RANBP2: variants seen among roughly 807,000 people sequenced by gnomAD.
RANBP2 encodes the protein E3 SUMO-protein ligase RanBP2.
Under a neutral mutation model 303.6 loss-of-function variants are expected in RANBP2, and 57 were observed. The observed-to-expected ratio is 0.19, with a 90% confidence interval of 0.15 to 0.23. The LOEUF is 0.23. Ranked by LOEUF, RANBP2 falls within the 10% of genes least tolerant of loss-of-function variation. The pLI, the probability that RANBP2 is intolerant of heterozygous loss-of-function variation, is 1.00. For missense variants in RANBP2, 3,138 were observed against 3,780.8 expected (o/e 0.83, Z 4.46); for synonymous variants, 1,167 against 1,301.5 (o/e 0.90, Z 2.23).
chr2:109,199,612 T>TCGTTCCGA, the RANBP2 span, among the ~76,000 whole-genome samples: 1 of 336 alleles, frequency 3.0e-3, no homozygotes, highest in African/African-American at 8.8e-3. Flanking sequence ...TGGAATGGAA[T>TCGTTCCGA]GGAATGGAAT....
the RANBP2 span, among the ~76,000 whole-genome samples, chr2:108,962,809 T>C: frequency 3.9e-5 from 6 of 151,984 alleles, no homozygotes; most frequent in African/African-American, 1.4e-4. Flanking sequence ...TACCATTCTG[T>C]CCAAGAGACT....
the RANBP2 span, chr2:108,885,493 AAATT>A: frequency 6.6e-6 from 1 of 152,224 alleles, no homozygotes; most frequent in Non-Finnish European, 1.5e-5. Flanking sequence ...GTATCTGTAA[AAATT>A]AATTCCTTTC....
the RANBP2 span, among the ~76,000 whole-genome samples, chr2:109,220,635 A>G: frequency 2.0e-5 from 3 of 152,228 alleles, no homozygotes; most frequent in Non-Finnish European, 4.4e-5. Context: ...TTTCCCAAAG[A>G]TATACAAATG....
chr2:109,614,360 C>G, the RANBP2 span: 1 of 780,056 alleles, frequency 1.3e-6, no homozygotes, highest in South Asian at 6.6e-5. Context: ...AGTCCTCTGG[C>G]CTCAGACGCG....
chr2:109,138,723 G>A, the RANBP2 span, among the ~76,000 whole-genome samples: 1 of 152,230 alleles, frequency 6.6e-6, no homozygotes, highest in Non-Finnish European at 1.5e-5. Flanking sequence ...TGGTGGCCCA[G>A]GTGCTGGGGC....
At chr2:109,501,860 G>A in the RANBP2 span, 23 of 579,444 alleles carry the variant, frequency 4.0e-5, no homozygotes, top group Admixed American at 5.9e-5. Context: ...ACCCCCAAAC[G>A]GAGAGCACAC....
At chr2:109,564,727 T>C in the RANBP2 span, among the ~76,000 whole-genome samples, 7 of 152,214 alleles carry the variant, frequency 4.6e-5, no homozygotes, top group South Asian at 2.1e-4. Context: ...TACTGTATCA[T>C]AGGCAATGTG....
chr2:108,949,383 CTTT>C, the RANBP2 span, among the ~76,000 whole-genome samples: 2 of 152,148 alleles, frequency 1.3e-5, no homozygotes, highest in Non-Finnish European at 2.9e-5. Flanking sequence ...GATAATTTTG[CTTT>C]TCAGTCAGTG....
the RANBP2 span, among the ~76,000 whole-genome samples, chr2:109,283,688 T>C: frequency 1.3e-5 from 2 of 152,176 alleles, no homozygotes; most frequent in Non-Finnish European, 1.5e-5. Flanking sequence ...GTAGCCCCCT[T>C]TTGTGGTCAG....
chr2:109,614,961 C>G, the RANBP2 span: 3 of 1,527,440 alleles, frequency 2.0e-6, no homozygotes, highest in East Asian at 5.0e-5. Context: ...GAAGAACTCG[C>G]GGCGCGACGT....
At chr2:109,196,085 C>G in the RANBP2 span, among the ~76,000 whole-genome samples, 1 of 152,244 alleles carries the variant, frequency 6.6e-6, no homozygotes, top group Non-Finnish European at 1.5e-5. Context: ...CGCAGACCAC[C>G]TGGCTCTAAG....
chr2:109,093,074 A>C, the RANBP2 span, among the ~76,000 whole-genome samples: 2 of 152,228 alleles, frequency 1.3e-5, no homozygotes, highest in African/African-American at 4.8e-5. Flanking sequence ...CATCCAGAGG[A>C]CAGCAATTTT....
the RANBP2 span, among the ~76,000 whole-genome samples, chr2:108,959,818 T>C: frequency 9.9e-3 from 1,511 of 152,286 alleles, 19 homozygotes; most frequent in African/African-American, 0.033. Context: ...CACCAGCTTT[T>C]CCACAGGTCT....
At chr2:108,736,680 T>C (rs1695614821) in intron 6 of RANBP2, among the ~76,000 whole-genome samples, 1 of 152,240 alleles carries the variant, frequency 6.6e-6, no homozygotes, top group Non-Finnish European at 1.5e-5. Flanking sequence ...AAATACTGTT[T>C]TAGCTGAGAA....
In RANBP2 at chr2:108,767,115, T is replaced by A. The variant is rs1677167865; in HGVS notation, c.6576T>A (p.Thr2192=). Reference sequence around the variant, plus strand: ...TGACAAATGATCAAACAAAAGTCACTGAGGAAGAAAATAAGGGTTCAGGTA... The same window carrying A: ...TGACAAATGATCAAACAAAAGTCACAGAGGAAGAAAATAAGGGTTCAGGTA... The part of the protein sequence containing the change: ...TFLTNDQTKV[T]EEENKGSGTG... Residue 2192 remains threonine (T), a synonymous_variant, in exon 20 of 29, where the codon ACT becomes ACA. Coordinates refer to ENST00000283195, the MANE Select transcript of RANBP2 (RefSeq NM_006267.5). The A allele has an allele frequency of 6.2e-7, 1 of 1,611,522 alleles. No homozygotes were observed. Among genetic ancestry groups the A allele is most frequent in the Admixed American group, 1.7e-5 (1 of 59,970 alleles).
chr2:109,256,177 A>C, the RANBP2 span, among the ~76,000 whole-genome samples: 1 of 152,124 alleles, frequency 6.6e-6, no homozygotes, highest in African/African-American at 2.4e-5. Context: ...GCCCTCACTG[A>C]GTCCTGTCCC....
chr2:108,899,084 C>T, the RANBP2 span, among the ~76,000 whole-genome samples: 1 of 152,120 alleles, frequency 6.6e-6, no homozygotes, highest in Non-Finnish European at 1.5e-5. Context: ...TAAGCAAATC[C>T]CAAACAGGAT....
chr2:109,717,159 G>A, the RANBP2 span, among the ~76,000 whole-genome samples: 1 of 151,558 alleles, frequency 6.6e-6, no homozygotes, highest in African/African-American at 2.4e-5. Context: ...AAAATTATTT[G>A]GACCAATAAA....
chr2:109,613,945 C>T, the RANBP2 span: 1 of 1,198,868 alleles, frequency 8.3e-7, no homozygotes, highest in African/African-American at 1.6e-5. Context: ...CGAGGCTAGG[C>T]TGCCTCCGCG....
Sources: gnomAD v4.1 joint callset for allele counts (sites outside exome capture counted in the v4.1 genomes callset) on GRCh38, gnomAD v4.1.1 for gene constraint, MANE v1.5 for transcripts, NCBI Gene and HGNC (gene_info 2026-07-23, HGNC 2026-07-21) for gene names.